The following RNF128 variants were observed in gnomAD, a reference collection of about 807,000 sequenced individuals.
The protein encoded by RNF128 is ring finger protein 128.
In RNF128, 13 loss-of-function variants were observed where a neutral mutation model predicts 26.2. The observed-to-expected ratio is 0.50, with a 90% CI of 0.32 to 0.79. RNF128 has a LOEUF of 0.79. Ranked by LOEUF, RNF128 falls within the 30% of genes least tolerant of loss-of-function variation. The pLI is 0.03. For synonymous variants in RNF128, 149 were observed against 142.5 expected (o/e 1.05, Z -0.32); for missense variants, 315 against 349.7 (o/e 0.90, Z 0.79).
chrX:106,715,998 C>A (rs1014794485), intron 1 of RNF128, among the ~76,000 whole-genome samples: 2 of 111,817 alleles, frequency 1.8e-5, no homozygotes, highest in African/African-American at 6.5e-5. Flanking sequence ...CCCAATCTCC[C>A]ACTACTCCTC....
chrX:106,786,084 T>C (rs1004333755), intron 3 of RNF128, among the ~76,000 whole-genome samples: 2 of 111,845 alleles, frequency 1.8e-5, no homozygotes, highest in Non-Finnish European at 3.8e-5. Context: ...ATTCTAAGCT[T>C]AGATGAAAAT....
chrX:106,752,796 A>G (rs1419001406), intron 1 of RNF128, among the ~76,000 whole-genome samples: 1 of 111,963 alleles, frequency 8.9e-6, no homozygotes, highest in Non-Finnish European at 1.9e-5. Context: ...GAGGAAGCTC[A>G]GTGAAATTCC....
intron 1 of RNF128, among the ~76,000 whole-genome samples, chrX:106,766,825 C>T (rs781689107): frequency 9.0e-6 from 1 of 111,728 alleles, no homozygotes; most frequent in Non-Finnish European, 1.9e-5. Flanking sequence ...CCTAGGTTTT[C>T]TTCTAGGATT....
At chrX:106,765,673 C>A (rs774186607) in intron 1 of RNF128, among the ~76,000 whole-genome samples, 1 of 111,390 alleles carries the variant, frequency 9.0e-6, no homozygotes, top group Non-Finnish European at 1.9e-5. Context: ...TATTTAAATT[C>A]TAGTCTAAAA....
chrX:106,696,538 A>G (rs765284830), intron 1 of RNF128, among the ~76,000 whole-genome samples: 130 of 111,379 alleles, frequency 1.2e-3, no homozygotes, highest in African/African-American at 4.2e-3. Context: ...TTTGACACAG[A>G]GGATGGGGGA....
intron 1 of RNF128, among the ~76,000 whole-genome samples, chrX:106,766,190 C>G (rs1174108409): frequency 8.9e-6 from 1 of 111,879 alleles, no homozygotes; most frequent in African/African-American, 3.3e-5. Flanking sequence ...GTGCATGTGT[C>G]TTTATAGCAG....
At chrX:106,733,228 A>G (rs181077136) in intron 1 of RNF128, among the ~76,000 whole-genome samples, 183 of 111,364 alleles carry the variant, frequency 1.6e-3, no homozygotes, top group African/African-American at 5.9e-3. Context: ...TTTTGGTATC[A>G]TTGGGAGGTC....
At chrX:106,778,107 G>T (rs1168817240) in intron 2 of RNF128, among the ~76,000 whole-genome samples, 1 of 111,291 alleles carries the variant, frequency 9.0e-6, no homozygotes, top group Admixed American at 9.6e-5. Flanking sequence ...TATCAGTAAG[G>T]CTTCCAGTCA....
intron 1 of RNF128, among the ~76,000 whole-genome samples, chrX:106,749,031 A>G (rs1436903720): frequency 1.8e-5 from 2 of 112,044 alleles, no homozygotes; most frequent in Non-Finnish European, 3.8e-5. Flanking sequence ...TAAAAAAGGA[A>G]GTGAATTTTT....
chrX:106,747,191 T>C (rs965678175), intron 1 of RNF128, among the ~76,000 whole-genome samples: 1 of 111,702 alleles, frequency 9.0e-6, no homozygotes, highest in Admixed American at 9.5e-5. Context: ...TTTTATAGTT[T>C]GTGTTAATGA....
At chrX:106,751,223 C>G (rs981845991) in intron 1 of RNF128, among the ~76,000 whole-genome samples, 1 of 111,467 alleles carries the variant, frequency 9.0e-6, no homozygotes, top group Non-Finnish European at 1.9e-5. Flanking sequence ...CCACCCCTCC[C>G]TCATCCCCTG....
At chrX:106,727,439 A>G in intron 1 of RNF128, 42 bp downstream of exon 1, 1 of 1,191,206 alleles carries the variant, frequency 8.4e-7, no homozygotes, top group Non-Finnish European at 1.1e-6. Flanking sequence ...GACCTCTGCC[A>G]TGGCCAGTTT....
rs1381802069 is a variant in RNF128 at position 106,788,950 on chromosome X, A to G, written c.887+950A>G. Among the ~76,000 whole-genome samples, 4 of 77,669 alleles carry G rather than the reference A, an allele frequency of 5.2e-5. No homozygotes were observed. In the East Asian group the frequency reaches 1.5e-3, roughly 30 times the overall value. 67.4% of individuals were successfully genotyped at this position (77,669 alleles called of 115,157 possible). On this transcript the variant is annotated intron_variant, in intron 4 of 6. Coordinates refer to ENST00000255499, the MANE Select transcript of RNF128 (RefSeq NM_194463.2). ...CTATATAGTGTATAGTATATAATAT[A>G]TGTATATGTACATGTACATATATAT...
intron 1 of RNF128, among the ~76,000 whole-genome samples, chrX:106,768,105 G>A (rs1395685064): frequency 8.9e-6 from 1 of 111,920 alleles, no homozygotes; most frequent in Admixed American, 9.5e-5. Context: ...TGTGCTGCTG[G>A]ATTCGGCTTG....
At chrX:106,766,741 G>T (rs984112688) in intron 1 of RNF128, among the ~76,000 whole-genome samples, 2 of 111,699 alleles carry the variant, frequency 1.8e-5, no homozygotes, top group African/African-American at 3.3e-5. Context: ...TGTCAATTTT[G>T]GCTTTTGTTG....
intron 1 of RNF128, among the ~76,000 whole-genome samples, chrX:106,743,871 A>G (rs1206617513): frequency 8.9e-6 from 1 of 111,808 alleles, no homozygotes; most frequent in Admixed American, 9.5e-5. Flanking sequence ...CAACAATGAT[A>G]GACTGGATTA....
intron 1 of RNF128, among the ~76,000 whole-genome samples, chrX:106,713,273 C>T (rs1372910060): frequency 9.1e-6 from 1 of 109,971 alleles, no homozygotes; most frequent in East Asian, 2.9e-4. Flanking sequence ...CTTTGGGAAG[C>T]CAAGGCGGGT....
chrX:106,795,610 C>A lies in RNF128; in HGVS notation c.1184C>A (p.Ala395Glu). The change falls in exon 7 of 7, where the codon GCA becomes GAA. Residue 395 changes from alanine to glutamate, a missense_variant. Transcript: ENST00000255499. ...AGTCTACAGCTGGTAAACCATGAAG[C>A]AAATTCTGTGGCAGTGGATGTTATT... is the stretch of plus-strand genomic sequence containing the variant. ...NESLQLVNHE[A>E]NSVAVDVIPH... The A allele has an allele frequency of 8.3e-7, 1 of 1,197,895 alleles. No individual in the cohort carries two copies. The highest frequency in any genetic ancestry group is 3.0e-5 in the East Asian group (1 of 33,207).
At chrX:106,702,315 A>G (rs1229762390) in intron 1 of RNF128, among the ~76,000 whole-genome samples, 1 of 111,696 alleles carries the variant, frequency 9.0e-6, no homozygotes, top group Non-Finnish European at 1.9e-5. Flanking sequence ...TTTGTTCATT[A>G]ACATATCCTT....
Sources: allele counts gnomAD v4.1 joint callset (sites outside exome capture counted in the v4.1 genomes callset), GRCh38; gene constraint gnomAD v4.1.1; transcripts MANE v1.5; gene names NCBI Gene and HGNC (gene_info 2026-07-23, HGNC 2026-07-21).